Variants in RARA observed in about 807,000 individuals in gnomAD.
RARA encodes the protein retinoic acid receptor alpha.
RARA carries 5 observed loss-of-function variants against 42.8 expected under a neutral mutation model. That is an observed-to-expected ratio of 0.12 (90% confidence interval 0.06 to 0.25). The LOEUF is 0.25. Ranked by LOEUF, RARA falls within the 10% of genes least tolerant of loss-of-function variation. The pLI, the probability that RARA is intolerant of heterozygous loss-of-function variation, is 1.00. For missense variants in RARA, 402 were observed against 628.7 expected (o/e 0.64, Z 3.86); for synonymous variants, 256 against 259.5 (o/e 0.99, Z 0.13).
Position 40,320,673 on chromosome 17 carries a change from A to G in RARA, c.-362-10184A>G, listed in dbSNP as rs943442164. ...GGCCTGTCCCAAAATACAAACCCCA[A>G]TGCCCAGTTTCCAGTCCTCTTGGAA... On this transcript the variant is annotated intron_variant, in intron 1 of 8. Transcript: ENST00000254066. The surrounding 1 kb of genome is among the most constrained non-coding windows in gnomAD (Gnocchi z 4.1). 6.6e-6 allele frequency among the ~76,000 whole-genome samples: 1 copy of G among 152,012 alleles called. No individual in the cohort carries two copies. The highest frequency in any genetic ancestry group is 1.5e-5 in the Non-Finnish European group (1 of 68,002).
chr17:40,351,630 G>A lies in RARA; in HGVS notation c.470-280G>A, dbSNP rs548047059. Reference sequence around the variant, plus strand: ...AGTGTGAGCTGGAGTAGACGCGTGGGGGATAGCATGCGGCTGGCTATGGGG... The same window carrying A: ...AGTGTGAGCTGGAGTAGACGCGTGGAGGATAGCATGCGGCTGGCTATGGGG... On this transcript the variant is annotated intron_variant, in intron 4 of 8. Coordinates refer to ENST00000254066, the MANE Select transcript of RARA (RefSeq NM_000964.4). This position sits in a 1 kb window ranked among gnomAD's most constrained non-coding sequence, Gnocchi z 4.1. 3 of 524,710 alleles carry A rather than the reference G, an allele frequency of 5.7e-6. No homozygotes were observed. The highest frequency in any genetic ancestry group is 5.6e-5 in the South Asian group (3 of 53,352). 32.5% of individuals were successfully genotyped at this position (524,710 alleles called of 1,614,324 possible). A position where few individuals can be genotyped will look rare whatever the true frequency, so the allele number is the denominator to read the frequency against.
intron 1 of RARA, among the ~76,000 whole-genome samples, chr17:40,330,625 C>T (rs1049900747): frequency 1.3e-5 from 2 of 152,274 alleles, no homozygotes; most frequent in East Asian, 3.9e-4. Flanking sequence ...AGAGGCCCTC[C>T]AAGGTTCTGG....
intron 2 of RARA, among the ~76,000 whole-genome samples, chr17:40,336,605 G>A (rs1350293409): frequency 6.6e-6 from 1 of 150,838 alleles, no homozygotes; most frequent in Non-Finnish European, 1.5e-5. Context: ...AGCCAGGATG[G>A]TCTCGATCTC....
intron 1 of RARA, among the ~76,000 whole-genome samples, chr17:40,313,791 G>A (rs964466684): frequency 2.6e-5 from 4 of 152,070 alleles, no homozygotes; most frequent in East Asian, 1.9e-4. Context: ...TTCTCTCTAC[G>A]CAGTTTCTGT....
At position 40,354,814 on chromosome 17, in the gene RARA, C is replaced by T. The variant is rs572907672; in HGVS notation, c.1012+308C>T. Among the ~76,000 whole-genome samples the T allele has an allele frequency of 1.3e-5, 2 of 152,108 alleles. No homozygotes were observed. The highest frequency in any genetic ancestry group is 2.1e-4 in the South Asian group (1 of 4,818). ...GGCCTCCGTTTCTGTACAGTGGGGG[C>T]GGTAACGGTCTCTAGCTCATGAAGT... On this transcript the variant is annotated intron_variant, in intron 7 of 8. Coordinates refer to ENST00000254066, the MANE Select transcript of RARA (RefSeq NM_000964.4). This position sits in a 1 kb window ranked among gnomAD's most constrained non-coding sequence, Gnocchi z 4.5.
rs1362621587 is a variant in RARA at position 40,345,344 on chromosome 17, A to G, written c.179-2972A>G. The G allele has an allele frequency of 2.0e-5, 3 of 152,510 alleles. No homozygotes were observed. Among genetic ancestry groups the G allele is most frequent in the Non-Finnish European group, 4.4e-5 (3 of 68,122 alleles). 9.4% of individuals were successfully genotyped at this position (152,510 alleles called of 1,614,324 possible). ...ACAGAGGGCCCTACGCCCCCTCCCCAACCATCCCCAGGGGCTGCGAGGGGA... is the reference window on the plus strand; with the variant it reads ...ACAGAGGGCCCTACGCCCCCTCCCCGACCATCCCCAGGGGCTGCGAGGGGA... On this transcript the variant is annotated intron_variant, in intron 2 of 8. Transcript: ENST00000254066. This position sits in a 1 kb window ranked among gnomAD's most constrained non-coding sequence, Gnocchi z 4.8.
intron 1 of RARA, among the ~76,000 whole-genome samples, chr17:40,324,894 T>A (rs1448950759): frequency 1.3e-5 from 2 of 152,124 alleles, no homozygotes; most frequent in Non-Finnish European, 2.9e-5. Context: ...AGAGGCACCC[T>A]CCAGCTATCC....
At position 40,351,516 on chromosome 17, in the gene RARA, C is replaced by T; in HGVS notation, c.470-394C>T. The T allele has an allele frequency of 2.1e-6, 1 of 474,412 alleles. No individual in the cohort carries two copies. Among genetic ancestry groups the T allele is most frequent in the Non-Finnish European group, 4.3e-6 (1 of 230,266 alleles). 29.4% of individuals were successfully genotyped at this position (474,412 alleles called of 1,614,324 possible). On this transcript the variant is annotated intron_variant, in intron 4 of 8. Coordinates refer to ENST00000254066, the MANE Select transcript of RARA (RefSeq NM_000964.4). This position sits in a 1 kb window ranked among gnomAD's most constrained non-coding sequence, Gnocchi z 4.1. ...TCCCAAGGGACCCCCAGGGAGACTG[C>T]AGCTGGGAGGGCTGGGTGAGTGGAG...
intron 1 of RARA, among the ~76,000 whole-genome samples, chr17:40,314,345 G>A (rs963657137): frequency 2.6e-5 from 4 of 152,142 alleles, no homozygotes; most frequent in South Asian, 2.1e-4. Context: ...GTGTTTGAGT[G>A]CATGTGTATA....
rs2143474351 is a variant in RARA, at chr17:40,349,865, C to T, written c.409C>T (p.Arg137Trp). 3 of 1,614,208 alleles carry T rather than the reference C, an allele frequency of 1.9e-6. No homozygotes were observed. Among genetic ancestry groups the T allele is most frequent in the African/African-American group, 1.3e-5 (1 of 75,052 alleles). The change falls in exon 4 of 9, where the codon CGG becomes TGG. Residue 137 changes from arginine (R) to tryptophan (W), a missense_variant. Physicochemically the swap from Arg to Trp is moderately radical, Grantham distance 101 (BLOSUM62 -3). Around this residue, in one of 5 missense-constraint regions of RARA, gnomAD observed 130 missense variants for 267.9 expected, o/e 0.49. Transcript: ENST00000254066. ...GAACTGCATCATCAACAAGGTGACC[C>T]GGAACCGCTGCCAGTACTGCCGACT... ...DKNCIINKVT[R>W]NRCQYCRLQK...
chr17:40,328,683 A>G (rs1164131512), intron 1 of RARA, among the ~76,000 whole-genome samples: 3 of 152,238 alleles, frequency 2.0e-5, no homozygotes, highest in Admixed American at 6.5e-5. Context: ...ATGGAATCCT[A>G]CAATACATGG....
intron 1 of RARA, among the ~76,000 whole-genome samples, chr17:40,314,376 G>A (rs944973623): frequency 2.6e-5 from 4 of 152,084 alleles, no homozygotes; most frequent in African/African-American, 9.7e-5. Context: ...GGGTGAGAGG[G>A]GCTGTGGGGG....
chr17:40,343,686 C>T (rs367566247), intron 2 of RARA, among the ~76,000 whole-genome samples: 15 of 152,240 alleles, frequency 9.9e-5, no homozygotes, highest in East Asian at 9.7e-4. Context: ...TTCCCAGCTC[C>T]GCCACCGAGT....
Position 40,352,562 on chromosome 17 carries a change from C to A in RARA, c.807+55C>A. 7.0e-7 allele frequency: 1 copy of A among 1,428,294 alleles called. No individual in the cohort carries two copies. Among genetic ancestry groups the A allele is most frequent in the Non-Finnish European group, 9.4e-7 (1 of 1,064,886 alleles). The allele number at this position is 1,428,294 out of a possible 1,614,324, so 88.5% of individuals were successfully genotyped here. On this transcript the variant is annotated intron_variant, in intron 6 of 8. Transcript: ENST00000254066. This position sits in a 1 kb window ranked among gnomAD's most constrained non-coding sequence, Gnocchi z 4.9. Reference sequence around the variant, plus strand: ...CTGCCCCTGTGTCCTGGGTAGATGTCCTTCCAGCCAGACAGCCACCCTCCT... The same window carrying A: ...CTGCCCCTGTGTCCTGGGTAGATGTACTTCCAGCCAGACAGCCACCCTCCT...
At chr17:40,338,544 C>A (rs2033925575) in intron 2 of RARA, among the ~76,000 whole-genome samples, 1 of 152,082 alleles carries the variant, frequency 6.6e-6, no homozygotes, top group Admixed American at 6.6e-5. Context: ...TTTCCTCCTC[C>A]TTAAAGCAAG....
In RARA at chr17:40,356,230, CCCACG is replaced by C. The variant is rs1218513818; in HGVS notation, c.*9_*13del. ...CCCGGCCACCCACTCCCCGTGACCG[CCCACG>C]CCACATGGACACAGCCCTCGCCCTC... On this transcript the variant is annotated 3_prime_UTR_variant, in exon 9 of 9. Coordinates refer to ENST00000254066, the MANE Select transcript of RARA (RefSeq NM_000964.4). 17 of 1,549,478 alleles carry C rather than the reference CCCACG, an allele frequency of 1.1e-5. No homozygotes were observed. Among genetic ancestry groups the C allele is most frequent in the Non-Finnish European group, 1.3e-5 (15 of 1,146,612 alleles).
intron 6 of RARA, among the ~76,000 whole-genome samples, chr17:40,353,472 G>C (rs2034517822): frequency 6.6e-6 from 1 of 152,098 alleles, no homozygotes; most frequent in Non-Finnish European, 1.5e-5. Context: ...TTTTTGAGAT[G>C]GAGTTTCACT....
At chr17:40,349,634 C>T in intron 3 of RARA, 150 bp from the exon 4 acceptor site, 2 of 916,412 alleles carry the variant, frequency 2.2e-6, no homozygotes, top group Non-Finnish European at 3.3e-6. Context: ...GAATCATTCT[C>T]CCCAGCTTTT....
Position 40,354,961 on chromosome 17 carries a change from G to T in RARA, c.1013-302G>T, listed in dbSNP as rs868089996. ...TTTCATCTGGTTTCCAGAATAACAG[G>T]GGGGAGTGGGAGCCTGCCTGGGAAC... On this transcript the variant is annotated intron_variant, in intron 7 of 8. Coordinates refer to ENST00000254066, the MANE Select transcript of RARA (RefSeq NM_000964.4). This position sits in a 1 kb window ranked among gnomAD's most constrained non-coding sequence, Gnocchi z 4.5. 1.3e-5 allele frequency among the ~76,000 whole-genome samples: 2 copies of T among 150,786 alleles called. No homozygotes were observed. The highest frequency in any genetic ancestry group is 5.0e-5 in the African/African-American group (2 of 40,254).
Sources: allele counts gnomAD v4.1 joint callset (sites outside exome capture counted in the v4.1 genomes callset), GRCh38; gene constraint gnomAD v4.1.1; regional missense constraint gnomAD v4.1.1; non-coding constraint Gnocchi (gnomAD v3.1); transcripts MANE v1.5; gene names NCBI Gene and HGNC (gene_info 2026-07-23, HGNC 2026-07-21).